Variants in MTMR7 observed in about 807,000 individuals in gnomAD.
MTMR7 encodes phosphatidylinositol-3-phosphate phosphatase MTMR7.
Under a neutral mutation model 81.2 loss-of-function variants are expected in MTMR7, and 76 were observed. The observed-to-expected ratio is 0.94, with a 90% CI of 0.78 to 1.13. The LOEUF (loss-of-function observed/expected upper bound fraction) is 1.13, where lower values mean the gene tolerates loss of function less well. Ranked by LOEUF, MTMR7 falls within the 50% of genes most tolerant of loss-of-function variation. MTMR7 has a pLI of 0.00. For missense variants in MTMR7, 1,044 were observed against 820.0 expected (o/e 1.27, Z -3.34); for synonymous variants, 372 against 289.8 (o/e 1.28, Z -2.88).
chr8:17,306,688 G>C (rs1217343088), intron 10 of MTMR7, among the ~76,000 whole-genome samples: 1 of 152,160 alleles, frequency 6.6e-6, no homozygotes, highest in Non-Finnish European at 1.5e-5. Context: ...GTTAGTAAGA[G>C]ATCATCACCT....
chr8:17,388,443 G>T (rs548566975), intron 1 of MTMR7, among the ~76,000 whole-genome samples: 1 of 152,216 alleles, frequency 6.6e-6, no homozygotes, highest in Non-Finnish European at 1.5e-5. Flanking sequence ...AAGATAGTTG[G>T]GTTCAAAACA....
intron 5 of MTMR7, among the ~76,000 whole-genome samples, chr8:17,343,774 T>C (rs59355014): frequency 0.029 from 4,416 of 152,350 alleles, 245 homozygotes; most frequent in African/African-American, 0.1. Flanking sequence ...AGATATGATC[T>C]AAATGGAATT....
intron 13 of MTMR7, among the ~76,000 whole-genome samples, chr8:17,301,302 T>A (rs757717383): frequency 4.6e-5 from 7 of 152,020 alleles, no homozygotes; most frequent in Non-Finnish European, 8.8e-5. Flanking sequence ...AGTGGTAAGG[T>A]TAGAAGGAAA....
In MTMR7 at chr8:17,341,510, G is replaced by A. The variant is rs772394298; in HGVS notation, c.598-13C>T. 1.9e-6 allele frequency: 3 copies of A among 1,612,846 alleles called. No individual in the cohort carries two copies. The highest frequency in any genetic ancestry group is 1.7e-6 in the Non-Finnish European group (2 of 1,179,930). On this transcript the variant is annotated splice_polypyrimidine_tract_variant and intron_variant, in intron 5 of 13. Coordinates refer to ENST00000180173, the MANE Select transcript of MTMR7 (RefSeq NM_004686.5). ...GGCAGATGGAGGCCTAGGGGGAGAGGTCACAGCAACACAGCACCATCAGGT... is the reference window on the plus strand; with the variant it reads ...GGCAGATGGAGGCCTAGGGGGAGAGATCACAGCAACACAGCACCATCAGGT...
chr8:17,401,229 A>G (rs4367591), intron 1 of MTMR7, among the ~76,000 whole-genome samples: 24,859 of 152,170 alleles, frequency 0.16, 2,409 homozygotes, highest in East Asian at 0.34. Context: ...GTGATGATAA[A>G]TTGGCTTTCT....
intron 6 of MTMR7, among the ~76,000 whole-genome samples, chr8:17,333,715 G>C (rs1041959767): frequency 6.6e-6 from 1 of 152,092 alleles, no homozygotes; most frequent in African/African-American, 2.4e-5. Context: ...GCCAGACATG[G>C]TGGCATGTGA....
At chr8:17,309,686 G>T (rs934975224) in intron 9 of MTMR7, among the ~76,000 whole-genome samples, 2 of 152,076 alleles carry the variant, frequency 1.3e-5, no homozygotes, top group Non-Finnish European at 2.9e-5. Flanking sequence ...TTTCATATTC[G>T]CCCAAGATCA....
chr8:17,362,475 A>C (rs1035887625), intron 3 of MTMR7, among the ~76,000 whole-genome samples: 2 of 152,216 alleles, frequency 1.3e-5, no homozygotes, highest in African/African-American at 4.8e-5. Context: ...AGTAGGCAAC[A>C]TTGATGGTCC....
chr8:17,350,653 C>G (rs1819703466), intron 4 of MTMR7, among the ~76,000 whole-genome samples: 1 of 152,162 alleles, frequency 6.6e-6, no homozygotes, highest in African/African-American at 2.4e-5. Context: ...TCTCCACCCA[C>G]CTTTATCACT....
chr8:17,358,559 TAC>T (rs2150555026), intron 4 of MTMR7, among the ~76,000 whole-genome samples: 1 of 152,242 alleles, frequency 6.6e-6, no homozygotes, highest in South Asian at 2.1e-4. Context: ...TAATAGAGAA[TAC>T]ACATTTTTCC....
chr8:17,337,558 T>G (rs538919209), intron 6 of MTMR7, among the ~76,000 whole-genome samples: 1 of 152,126 alleles, frequency 6.6e-6, no homozygotes, highest in African/African-American at 2.4e-5. Flanking sequence ...AGAGTATAAT[T>G]TTTTTTTGGA....
At chr8:17,403,146 T>C (rs10092349) in intron 1 of MTMR7, among the ~76,000 whole-genome samples, 7,799 of 152,270 alleles carry the variant, frequency 0.051, 588 homozygotes, top group African/African-American at 0.16. Context: ...ATTCTGGTTA[T>C]TACTCCCTTG....
At chr8:17,309,526 G>A (rs73666107) in intron 9 of MTMR7, among the ~76,000 whole-genome samples, 200 bp from the exon 10 acceptor site, 1 of 152,222 alleles carries the variant, frequency 6.6e-6, no homozygotes, top group African/African-American at 2.4e-5. Flanking sequence ...CATGGGAACA[G>A]TGAGTGGAAA....
chr8:17,320,526 T>C (rs1818329071), intron 7 of MTMR7, among the ~76,000 whole-genome samples: 1 of 152,042 alleles, frequency 6.6e-6, no homozygotes, highest in African/African-American at 2.4e-5. Context: ...AAGGAGGACA[T>C]ACAGAAGCTG....
intron 10 of MTMR7, among the ~76,000 whole-genome samples, chr8:17,307,875 C>T (rs1276700701): frequency 6.5e-5 from 8 of 123,350 alleles, no homozygotes; most frequent in South Asian, 2.5e-4. Context: ...CATCACACAC[C>T]GGGGACTGTT....
At chr8:17,390,759 A>G (rs557504841) in intron 1 of MTMR7, among the ~76,000 whole-genome samples, 45 of 152,308 alleles carry the variant, frequency 3.0e-4, no homozygotes, top group African/African-American at 1.1e-3. Flanking sequence ...AGGAGAGAGA[A>G]GTACAGAATG....
intron 1 of MTMR7, among the ~76,000 whole-genome samples, chr8:17,392,358 A>G (rs1821131503): frequency 1.3e-5 from 2 of 152,244 alleles, no homozygotes; most frequent in Non-Finnish European, 1.5e-5. Flanking sequence ...AAGTAGACTT[A>G]CATAGGAGGT....
At chr8:17,301,934 G>C (rs982954671) in intron 13 of MTMR7, 11 of 458,276 alleles carry the variant, frequency 2.4e-5, no homozygotes, top group Non-Finnish European at 3.7e-5. Context: ...CCAAAAATTT[G>C]TGGAACTGAG....
intron 1 of MTMR7, among the ~76,000 whole-genome samples, chr8:17,393,410 A>T (rs1272756590): frequency 6.6e-6 from 1 of 152,216 alleles, no homozygotes; most frequent in African/African-American, 2.4e-5. Context: ...AAAAACCTGT[A>T]TTTCAAAGAT....
Sources: allele counts gnomAD v4.1 joint callset (sites outside exome capture counted in the v4.1 genomes callset), GRCh38; gene constraint gnomAD v4.1.1; transcripts MANE v1.5; gene names NCBI Gene and HGNC (gene_info 2026-07-23, HGNC 2026-07-21).